LPAR3: variants seen among roughly 807,000 people sequenced by gnomAD.
LPAR3 encodes LPA receptor 3.
LPAR3 carries 7 observed loss-of-function variants against 17.8 expected under a neutral mutation model. The observed-to-expected ratio is 0.39, with a 90% confidence interval of 0.22 to 0.74. The LOEUF is 0.74. LPAR3 is among the 30% of genes least tolerant of loss of function. LPAR3 has a pLI of 0.40. For synonymous variants in LPAR3, 179 were observed against 179.9 expected (o/e 0.99, Z 0.04); for missense variants, 391 against 453.4 (o/e 0.86, Z 1.25).
chr1:84,885,360 C>T lies in LPAR3; in HGVS notation c.-19+7656G>A, dbSNP rs145253468. 5.8e-3 allele frequency among the ~76,000 whole-genome samples: 876 copies of T among 152,178 alleles called. 2 individuals are homozygous for T. The highest frequency in any genetic ancestry group is 0.014 in the South Asian group (67 of 4,816). ...ATCAGATTGATAACATTTAAACAAG[C>T]GGCTATTACTTGCCAACAAGTGTTG... is the stretch of plus-strand genomic sequence containing the variant. On this transcript the variant is annotated intron_variant, in intron 1 of 2. Transcript: ENST00000370611.
intron 1 of LPAR3, among the ~76,000 whole-genome samples, chr1:84,870,100 A>T (rs926754764): frequency 3.3e-5 from 5 of 152,224 alleles, no homozygotes; most frequent in African/African-American, 1.2e-4. Context: ...ATTTATTATT[A>T]TCTCTTGGCC....
chr1:84,833,288 C>T (rs529451941), intron 2 of LPAR3, among the ~76,000 whole-genome samples: 4 of 152,126 alleles, frequency 2.6e-5, no homozygotes, highest in Non-Finnish European at 4.4e-5. Context: ...TTTCCTGAAA[C>T]AAATGTGTTT....
At chr1:84,830,747 T>C (rs1659267100) in intron 2 of LPAR3, among the ~76,000 whole-genome samples, 1 of 152,144 alleles carries the variant, frequency 6.6e-6, no homozygotes, top group African/African-American at 2.4e-5. Context: ...GAATGGAAAA[T>C]TAAATGTGCT....
At chr1:84,863,707 C>T (rs576016666) in intron 2 of LPAR3, among the ~76,000 whole-genome samples, 1 of 152,334 alleles carries the variant, frequency 6.6e-6, no homozygotes, top group East Asian at 1.9e-4. Flanking sequence ...ATCTTGAATT[C>T]CTGAGTCAAA....
intron 1 of LPAR3, among the ~76,000 whole-genome samples, chr1:84,878,571 G>C (rs1476550962): frequency 6.6e-6 from 1 of 152,116 alleles, no homozygotes; most frequent in Admixed American, 6.5e-5. Flanking sequence ...ATGTGCCTTG[G>C]AGCTAAAAGA....
chr1:84,868,246 A>G (rs1271731781), intron 1 of LPAR3, among the ~76,000 whole-genome samples: 1 of 151,952 alleles, frequency 6.6e-6, no homozygotes, highest in African/African-American at 2.4e-5. Context: ...AGTAGCTGGG[A>G]CCACAGGCGC....
intron 2 of LPAR3, 38 bp downstream of exon 2, chr1:84,865,347 G>T: frequency 6.4e-7 from 1 of 1,560,904 alleles, no homozygotes; most frequent in South Asian, 1.2e-5. Context: ...TTTGCTGAAT[G>T]AATGGGAATG....
chr1:84,846,140 G>T (rs185189520), intron 2 of LPAR3, among the ~76,000 whole-genome samples: 74 of 152,206 alleles, frequency 4.9e-4, no homozygotes, highest in African/African-American at 1.7e-3. Flanking sequence ...ATTCAAGATT[G>T]TAAGTTTACT....
chr1:84,889,488 C>T (rs937647631), intron 1 of LPAR3, among the ~76,000 whole-genome samples: 3 of 152,150 alleles, frequency 2.0e-5, no homozygotes, highest in South Asian at 2.1e-4. Flanking sequence ...AACTGAGATG[C>T]GCAGACAGTA....
intron 2 of LPAR3, among the ~76,000 whole-genome samples, chr1:84,855,419 A>C (rs1399304838): frequency 6.6e-6 from 1 of 152,190 alleles, no homozygotes; most frequent in Non-Finnish European, 1.5e-5. Context: ...GAAACCTTCC[A>C]GGAGGCTGGG....
chr1:84,869,765 A>G (rs914843250), intron 1 of LPAR3, among the ~76,000 whole-genome samples: 1 of 152,224 alleles, frequency 6.6e-6, no homozygotes, highest in Non-Finnish European at 1.5e-5. Flanking sequence ...ATCTTCTACA[A>G]TTATGGCTTT....
rs567586410 is a variant in LPAR3, at chr1:84,820,000, AGT to A, written c.737-5831_737-5830del. On this transcript the variant is annotated intron_variant, in intron 2 of 2. Coordinates refer to ENST00000370611, the MANE Select transcript of LPAR3 (RefSeq NM_012152.3). ...ATTTCCTGAGAACTCTGGGTCAGGC[AGT>A]GTGCTCAGGGCTTTACATGCACTTC... 1.3e-4 allele frequency among the ~76,000 whole-genome samples: 20 copies of A among 152,318 alleles called. No individual in the cohort carries two copies. The South Asian group carries it at 3.9e-3, about 30-fold the overall frequency.
chr1:84,818,094 G>T (rs1193266136), intron 2 of LPAR3, among the ~76,000 whole-genome samples: 2 of 152,178 alleles, frequency 1.3e-5, no homozygotes, highest in African/African-American at 4.8e-5. Context: ...CTGTGCTGTA[G>T]TTACCTCAGG....
intron 2 of LPAR3, among the ~76,000 whole-genome samples, chr1:84,839,764 G>C (rs946189468): frequency 2.0e-5 from 3 of 152,250 alleles, no homozygotes; most frequent in Non-Finnish European, 4.4e-5. Context: ...GGACCAAAGT[G>C]CACTCAAATC....
At chr1:84,838,087 C>A (rs1441865487) in intron 2 of LPAR3, among the ~76,000 whole-genome samples, 1 of 152,112 alleles carries the variant, frequency 6.6e-6, no homozygotes, top group African/African-American at 2.4e-5. Context: ...GCATAAAGAG[C>A]ACAGGCCAGC....
chr1:84,846,690 A>G (rs1218016766), intron 2 of LPAR3, among the ~76,000 whole-genome samples: 1 of 152,150 alleles, frequency 6.6e-6, no homozygotes, highest in African/African-American at 2.4e-5. Context: ...AGATCACACC[A>G]TTAAATTGCT....
chr1:84,821,830 A>C (rs986707879), intron 2 of LPAR3, among the ~76,000 whole-genome samples: 1 of 151,998 alleles, frequency 6.6e-6, no homozygotes, highest in African/African-American at 2.4e-5. Context: ...GGGAGGAAAG[A>C]CTCCAGGGTG....
chr1:84,869,204 A>C (rs561181482), intron 1 of LPAR3, among the ~76,000 whole-genome samples: 1 of 152,310 alleles, frequency 6.6e-6, no homozygotes, highest in Admixed American at 6.5e-5. Context: ...TAACACCTCA[A>C]TGATTTTTAC....
chr1:84,885,894 G>A (rs921486218), intron 1 of LPAR3, among the ~76,000 whole-genome samples: 9 of 152,200 alleles, frequency 5.9e-5, no homozygotes, highest in Non-Finnish European at 1.0e-4. Flanking sequence ...AAAGGGGGAA[G>A]AACAGAAAGC....
Sources: gnomAD v4.1 joint callset for allele counts (sites outside exome capture counted in the v4.1 genomes callset) on GRCh38, gnomAD v4.1.1 for gene constraint, MANE v1.5 for transcripts, NCBI Gene and HGNC (gene_info 2026-07-23, HGNC 2026-07-21) for gene names.